Variants in AGBL4 observed in about 807,000 individuals in gnomAD.
AGBL4 encodes the protein AGBL carboxypeptidase 4.
In AGBL4, 58 loss-of-function variants were observed where a neutral mutation model predicts 66.4. The ratio of observed to expected loss-of-function variants is 0.87; its 90% CI spans 0.71 to 1.09. AGBL4 has a LOEUF of 1.09. AGBL4 is among the 50% of genes least tolerant of loss of function. The pLI is 0.00. For synonymous variants in AGBL4, 234 were observed against 222.9 expected (o/e 1.05, Z -0.44); for missense variants, 579 against 631.0 (o/e 0.92, Z 0.88).
chr1:48,602,892 G>A (rs1645095103), intron 9 of AGBL4, among the ~76,000 whole-genome samples: 1 of 151,518 alleles, frequency 6.6e-6, no homozygotes, highest in Non-Finnish European at 1.5e-5. Context: ...TCACTTTATA[G>A]TAGGGAAGGC....
intron 3 of AGBL4, among the ~76,000 whole-genome samples, chr1:49,285,208 T>C (rs1417863244): frequency 2.6e-5 from 4 of 152,092 alleles, no homozygotes; most frequent in Non-Finnish European, 5.9e-5. Flanking sequence ...CACTCAGGAT[T>C]AAGAATCTCA....
chr1:48,643,167 C>T (rs978634010), intron 8 of AGBL4, among the ~76,000 whole-genome samples: 1 of 152,246 alleles, frequency 6.6e-6, no homozygotes, highest in Non-Finnish European at 1.5e-5. Flanking sequence ...ACAATCTGGT[C>T]CCCAGTTATT....
chr1:49,711,789 T>A (rs1647687274), intron 2 of AGBL4, among the ~76,000 whole-genome samples: 1 of 152,102 alleles, frequency 6.6e-6, no homozygotes, highest in Admixed American at 6.6e-5. Context: ...TCCCTTGGAA[T>A]GTCCCAGAAA....
At chr1:48,864,528 C>T (rs541208702) in intron 6 of AGBL4, among the ~76,000 whole-genome samples, 1 of 152,208 alleles carries the variant, frequency 6.6e-6, no homozygotes, top group East Asian at 1.9e-4. Context: ...AAATTCTGAT[C>T]AATACAATGG....
chr1:49,426,561 C>A (rs989637433), intron 3 of AGBL4, among the ~76,000 whole-genome samples: 3 of 151,854 alleles, frequency 2.0e-5, no homozygotes, highest in Non-Finnish European at 4.4e-5. Context: ...TCTGTGCCTG[C>A]CCCAGTGCAA....
intron 2 of AGBL4, among the ~76,000 whole-genome samples, chr1:49,725,730 G>T (rs1326253608): frequency 2.1e-5 from 3 of 146,264 alleles, no homozygotes; most frequent in Non-Finnish European, 4.5e-5. Flanking sequence ...TGTCTCCGAG[G>T]CTGGAGTGCA....
chr1:48,616,988 C>T (rs1447079478), intron 9 of AGBL4, among the ~76,000 whole-genome samples: 1 of 152,086 alleles, frequency 6.6e-6, no homozygotes, highest in East Asian at 1.9e-4. Flanking sequence ...TATCTCTCTA[C>T]CCCCAAAGCA....
chr1:49,515,240 C>T (rs899106093), intron 3 of AGBL4, among the ~76,000 whole-genome samples: 1 of 152,114 alleles, frequency 6.6e-6, no homozygotes, highest in Non-Finnish European at 1.5e-5. Context: ...TATGAACAGA[C>T]ACTTCTCAAA....
chr1:49,737,038 G>A (rs1649955463), intron 2 of AGBL4, among the ~76,000 whole-genome samples: 1 of 152,032 alleles, frequency 6.6e-6, no homozygotes. Context: ...AAACATGATG[G>A]CAAAGCAAAG....
intron 4 of AGBL4, among the ~76,000 whole-genome samples, chr1:49,244,452 A>ATTTTCACC (rs985047089): frequency 4.5e-4 from 69 of 151,920 alleles, no homozygotes; most frequent in Admixed American, 9.2e-4. Context: ...CCAAGGAGAT[A>ATTTTCACC]TTTTCACCTT....
intron 3 of AGBL4, among the ~76,000 whole-genome samples, chr1:49,502,726 C>G (rs1429345221): frequency 2.0e-5 from 3 of 152,010 alleles, no homozygotes; most frequent in African/African-American, 7.2e-5. Context: ...TCTTGCTATG[C>G]TTTAGTAAAG....
At chr1:48,833,236 C>T (rs1646596410) in intron 6 of AGBL4, among the ~76,000 whole-genome samples, 1 of 152,074 alleles carries the variant, frequency 6.6e-6, no homozygotes, top group Non-Finnish European at 1.5e-5. Context: ...ACATTAAAAG[C>T]ACATCTGTTG....
intron 3 of AGBL4, among the ~76,000 whole-genome samples, chr1:49,255,917 A>G (rs1652453556): frequency 6.6e-6 from 1 of 152,194 alleles, no homozygotes; most frequent in Non-Finnish European, 1.5e-5. Flanking sequence ...GGAACAGAAA[A>G]CCAAATATTG....
At chr1:48,576,202 T>C (rs1644651305) in intron 11 of AGBL4, among the ~76,000 whole-genome samples, 1 of 152,218 alleles carries the variant, frequency 6.6e-6, no homozygotes, top group African/African-American at 2.4e-5. Flanking sequence ...AGCACTGGCA[T>C]TAGATTCTCA....
chr1:49,392,521 C>A (rs111409806), intron 3 of AGBL4, among the ~76,000 whole-genome samples: 1 of 152,216 alleles, frequency 6.6e-6, no homozygotes, highest in East Asian at 1.9e-4. Context: ...ACTTGAGGCA[C>A]AGGCCAGGCA....
chr1:49,964,902 G>C (rs1371023746), intron 1 of AGBL4, among the ~76,000 whole-genome samples: 4 of 152,182 alleles, frequency 2.6e-5, no homozygotes, highest in Admixed American at 6.5e-5. Flanking sequence ...ATAATTTAAA[G>C]TGAAAAGCCT....
At chr1:49,164,360 T>C (rs908011786) in intron 4 of AGBL4, among the ~76,000 whole-genome samples, 1 of 152,090 alleles carries the variant, frequency 6.6e-6, no homozygotes, top group Non-Finnish European at 1.5e-5. Context: ...AGGGAATACA[T>C]TAAAACCTCT....
chr1:49,098,424 A>T (rs1475334693), intron 4 of AGBL4, among the ~76,000 whole-genome samples: 1 of 152,240 alleles, frequency 6.6e-6, no homozygotes, highest in African/African-American at 2.4e-5. Flanking sequence ...CTGGTTTAGG[A>T]CAGGGCTGGA....
At chr1:49,000,642 G>T (rs1181281189) in intron 5 of AGBL4, among the ~76,000 whole-genome samples, 1 of 152,154 alleles carries the variant, frequency 6.6e-6, no homozygotes, top group Non-Finnish European at 1.5e-5. Flanking sequence ...AACTATCATA[G>T]TGAAGACCAT....
Sources: gnomAD v4.1 joint callset for allele counts (sites outside exome capture counted in the v4.1 genomes callset) on GRCh38, gnomAD v4.1.1 for gene constraint, MANE v1.5 for transcripts, NCBI Gene and HGNC (gene_info 2026-07-23, HGNC 2026-07-21) for gene names.